KCNC2: variants seen among roughly 807,000 people sequenced by gnomAD.
The protein encoded by KCNC2 is potassium voltage-gated channel subfamily C member 2, also known as voltage-gated potassium channel KCNC2.
A neutral mutation model predicts 44.5 loss-of-function variants in KCNC2; 21 were observed. The ratio of observed to expected loss-of-function variants is 0.47; its 90% confidence interval spans 0.33 to 0.68. The LOEUF is 0.68. Ranked by LOEUF, KCNC2 falls within the 30% of genes least tolerant of loss-of-function variation. The probability of loss-of-function intolerance (pLI) is 0.01; values close to 1 mark genes in which losing one functional copy is unlikely to be tolerated. For synonymous variants in KCNC2, 391 were observed against 339.1 expected, an observed-to-expected ratio of 1.15 and a Z score of -1.68; for missense variants, 589 against 826.2, an observed-to-expected ratio of 0.71 and a Z score of 3.52.
chr12:75,204,572 A>T (rs2031537244), intron 2 of KCNC2, among the ~76,000 whole-genome samples: 1 of 152,156 alleles, frequency 6.6e-6, no homozygotes, highest in Non-Finnish European at 1.5e-5. Context: ...AAGAGTGTTT[A>T]TAAAAGTTTA....
At chr12:75,115,961 ATAATT>A (rs1236910998) in intron 2 of KCNC2, among the ~76,000 whole-genome samples, 1 of 152,154 alleles carries the variant, frequency 6.6e-6, no homozygotes, top group Non-Finnish European at 1.5e-5. Flanking sequence ...CGCAGCAACT[ATAATT>A]TATTTTTTCT....
chr12:75,075,804 C>A (rs1406088491), intron 2 of KCNC2, among the ~76,000 whole-genome samples: 1 of 152,020 alleles, frequency 6.6e-6, no homozygotes, highest in Non-Finnish European at 1.5e-5. Flanking sequence ...GGTGTAGGAT[C>A]TTTTCAAGAT....
rs540453251 is a variant in KCNC2, at chr12:75,176,184, A to T, written c.687+31113T>A. Among the ~76,000 whole-genome samples the T allele has an allele frequency of 3.9e-5, 6 of 152,182 alleles. No homozygotes were observed. The South Asian group carries it at 6.2e-4, about 16-fold the overall frequency. On this transcript the variant is annotated intron_variant, in intron 2 of 4. Coordinates refer to ENST00000549446, the MANE Select transcript of KCNC2 (RefSeq NM_139137.4). Reference sequence around the variant, plus strand: ...TGGAATGGCAGGTACCTGTACATTTAGCTATTTCCTATGGTTCCATCCTGG... The same window carrying T: ...TGGAATGGCAGGTACCTGTACATTTTGCTATTTCCTATGGTTCCATCCTGG...
At chr12:75,146,112 G>A (rs367755528) in intron 2 of KCNC2, among the ~76,000 whole-genome samples, 4 of 151,774 alleles carry the variant, frequency 2.6e-5, no homozygotes, top group African/African-American at 4.8e-5. Context: ...CCACCACCAC[G>A]CCCGGCTAAT....
rs1555208212 is a variant in KCNC2, at chr12:75,086,681, A to ATATAT, written c.688-35365_688-35364insATATA. On this transcript the variant is annotated intron_variant, in intron 2 of 4. Coordinates refer to ENST00000549446, the MANE Select transcript of KCNC2 (RefSeq NM_139137.4). The stretch of plus-strand genomic sequence containing the variant: ...TTGGCAAAAAAAAAAAAAAAAAAAA[A>ATATAT]ATATATATATATATATATACACACA... Among the ~76,000 whole-genome samples the ATATAT allele has an allele frequency of 1.3e-4, 7 of 54,208 alleles. No individual in the cohort carries two copies. In the South Asian group the frequency reaches 1.8e-3, roughly 14 times the overall value. 35.6% of individuals were successfully genotyped at this position (54,208 alleles called of 152,430 possible). A position where few individuals can be genotyped will look rare whatever the true frequency, so the allele number is the denominator to read the frequency against.
intron 2 of KCNC2, among the ~76,000 whole-genome samples, chr12:75,053,271 C>CCT (rs10642202): frequency 0.88 from 133,934 of 151,874 alleles, 59,206 homozygotes; most frequent in Admixed American, 0.91. Context: ...AACTCCCACC[C>CCT]CAACTACACT....
At chr12:75,206,973 C>A (rs2031735128) in intron 2 of KCNC2, among the ~76,000 whole-genome samples, 1 of 152,150 alleles carries the variant, frequency 6.6e-6, no homozygotes, top group South Asian at 2.1e-4. Flanking sequence ...GGGAGAAACT[C>A]GAGATGAATC....
intron 2 of KCNC2, among the ~76,000 whole-genome samples, chr12:75,118,889 A>G (rs1243530878): frequency 6.6e-6 from 1 of 152,202 alleles, no homozygotes; most frequent in Admixed American, 6.5e-5. Flanking sequence ...TAAATCTGAC[A>G]TCCCTGAATT....
chr12:75,080,559 T>C (rs911784485), intron 2 of KCNC2, among the ~76,000 whole-genome samples: 7 of 152,080 alleles, frequency 4.6e-5, no homozygotes, highest in African/African-American at 1.7e-4. Flanking sequence ...GTGCAAAAAA[T>C]AATGTCTCTG....
intron 2 of KCNC2, among the ~76,000 whole-genome samples, chr12:75,105,726 A>G (rs1886730614): frequency 3.3e-5 from 5 of 152,180 alleles, no homozygotes; most frequent in Admixed American, 3.3e-4. Context: ...TCAAGTTGCC[A>G]TATCATGAGA....
intron 2 of KCNC2, among the ~76,000 whole-genome samples, chr12:75,068,476 G>A (rs1265197336): frequency 2.0e-5 from 3 of 152,162 alleles, no homozygotes; most frequent in Non-Finnish European, 4.4e-5. Context: ...GACACTGTGT[G>A]TGGCTATGTT....
chr12:75,090,806 C>CATCATT (rs1489614777), intron 2 of KCNC2, among the ~76,000 whole-genome samples: 1 of 151,602 alleles, frequency 6.6e-6, no homozygotes, highest in East Asian at 1.9e-4. Context: ...TCATCATCAT[C>CATCATT]ATCATTTGAC....
intron 2 of KCNC2, among the ~76,000 whole-genome samples, chr12:75,150,479 C>T (rs1044514826): frequency 6.6e-6 from 1 of 151,776 alleles, no homozygotes; most frequent in Non-Finnish European, 1.5e-5. Flanking sequence ...TTTCTTTAAT[C>T]ATGAACACTT....
intron 2 of KCNC2, among the ~76,000 whole-genome samples, chr12:75,191,855 A>C (rs1593067655): frequency 6.6e-6 from 1 of 151,934 alleles, no homozygotes; most frequent in East Asian, 1.9e-4. Flanking sequence ...GGCCTATTAT[A>C]ATCTATTTTA....
At chr12:75,079,904 A>G (rs970980609) in intron 2 of KCNC2, among the ~76,000 whole-genome samples, 1 of 152,112 alleles carries the variant, frequency 6.6e-6, no homozygotes, top group African/African-American at 2.4e-5. Context: ...TGGGAGAACA[A>G]TGTGATTCCC....
chr12:75,141,139 A>AT (rs1480906931), intron 2 of KCNC2, among the ~76,000 whole-genome samples: 1 of 152,038 alleles, frequency 6.6e-6, no homozygotes, highest in Non-Finnish European at 1.5e-5. Flanking sequence ...GACACCTCTT[A>AT]TTTTTCTCTT....
chr12:75,177,067 C>T (rs1892241153), intron 2 of KCNC2, among the ~76,000 whole-genome samples: 1 of 144,694 alleles, frequency 6.9e-6, no homozygotes, highest in East Asian at 2.0e-4. Context: ...TACACACACA[C>T]ACTGTACTTC....
intron 2 of KCNC2, among the ~76,000 whole-genome samples, chr12:75,144,760 G>A (rs948770335): frequency 1.3e-4 from 19 of 151,620 alleles, no homozygotes; most frequent in Admixed American, 2.0e-4. Flanking sequence ...CTTCATTAAC[G>A]TCACTGGGCC....
At chr12:75,109,754 C>T (rs906426084) in intron 2 of KCNC2, among the ~76,000 whole-genome samples, 5 of 151,992 alleles carry the variant, frequency 3.3e-5, no homozygotes, top group African/African-American at 1.2e-4. Flanking sequence ...ACCCAGAAAA[C>T]TGTGGATAAA....
Sources: gnomAD v4.1 joint callset for allele counts (sites outside exome capture counted in the v4.1 genomes callset) on GRCh38, gnomAD v4.1.1 for gene constraint, MANE v1.5 for transcripts, NCBI Gene and HGNC (gene_info 2026-07-23, HGNC 2026-07-21) for gene names.